INSR: variants seen among roughly 807,000 people sequenced by gnomAD.
INSR encodes the protein IR.
A neutral mutation model predicts 142.6 loss-of-function variants in INSR; 67 were observed. The ratio of observed to expected loss-of-function variants is 0.47; its 90% CI spans 0.39 to 0.58. The LOEUF (loss-of-function observed/expected upper bound fraction) is 0.58. INSR is among the 20% of genes least tolerant of loss of function. INSR has a pLI of 0.00. For missense variants in INSR, 1,248 were observed against 1,833.2 expected (o/e 0.68, Z 5.83); for synonymous variants, 756 against 743.1 (o/e 1.02, Z -0.28).
chr19:7,158,483 A>T (rs1035715421), intron 9 of INSR, among the ~76,000 whole-genome samples: 1 of 152,206 alleles, frequency 6.6e-6, no homozygotes, highest in African/African-American at 2.4e-5. Context: ...CCTGGGTGAC[A>T]GAGCGAGACT....
intron 2 of INSR, among the ~76,000 whole-genome samples, chr19:7,210,281 G>T (rs1156595801): frequency 6.6e-6 from 1 of 150,648 alleles, no homozygotes; most frequent in African/African-American, 2.4e-5. Context: ...GGAGGTGGAG[G>T]TTGCAGTGAG....
At chr19:7,213,353 A>C (rs1008783323) in intron 2 of INSR, among the ~76,000 whole-genome samples, 2 of 148,622 alleles carry the variant, frequency 1.3e-5, no homozygotes, top group African/African-American at 2.5e-5. Context: ...AAAAAAAAAA[A>C]AAAAAACAAA....
intron 2 of INSR, among the ~76,000 whole-genome samples, chr19:7,250,658 A>T (rs1044640448): frequency 1.3e-5 from 2 of 151,750 alleles, no homozygotes; most frequent in African/African-American, 4.8e-5. Context: ...AACCGTGTTT[A>T]AAAAACGGTG....
chr19:7,260,900 CAG>C (rs1025467623), intron 2 of INSR, among the ~76,000 whole-genome samples: 12 of 145,480 alleles, frequency 8.2e-5, no homozygotes, highest in African/African-American at 2.6e-4. Flanking sequence ...TTTTTAAAGA[CAG>C]AGTCTCACCG....
At position 7,141,588 on chromosome 19, in the gene INSR, A is replaced by C; in HGVS notation, c.2682+89T>G. The C allele has an allele frequency of 1.3e-6, 2 of 1,575,164 alleles. 1 individual carries two copies. The highest frequency in any genetic ancestry group is 3.3e-4 in the Middle Eastern group (2 of 6,000). On this transcript the variant is annotated intron_variant, in intron 13 of 21. Coordinates refer to ENST00000302850, the MANE Select transcript of INSR (RefSeq NM_000208.4). Reference sequence around the variant, plus strand: ...CTGATGAGAGAAGCACTGGAATCAAAATTTCAGCAGAGGAAGGAGGTACCA... The same window carrying C: ...CTGATGAGAGAAGCACTGGAATCAACATTTCAGCAGAGGAAGGAGGTACCA...
intron 1 of INSR, among the ~76,000 whole-genome samples, chr19:7,279,620 G>A (rs1262086899): frequency 2.0e-5 from 3 of 151,596 alleles, no homozygotes; most frequent in South Asian, 2.1e-4. Context: ...GAACAGGTAC[G>A]GATGCTGGTG....
chr19:7,146,491 C>A (rs771856258), intron 11 of INSR, among the ~76,000 whole-genome samples: 2 of 152,046 alleles, frequency 1.3e-5, no homozygotes, highest in Non-Finnish European at 2.9e-5. Context: ...CCGCCCCCCA[C>A]CTCAGCCTCC....
At chr19:7,249,824 C>T (rs182037408) in intron 2 of INSR, among the ~76,000 whole-genome samples, 2 of 152,068 alleles carry the variant, frequency 1.3e-5, no homozygotes, top group African/African-American at 2.4e-5. Context: ...AACCCCGTCT[C>T]TACTAAAAAT....
chr19:7,285,569 G>C (rs1216394099), intron 1 of INSR, among the ~76,000 whole-genome samples: 1 of 152,162 alleles, frequency 6.6e-6, no homozygotes, highest in Admixed American at 6.6e-5. Flanking sequence ...TCAAGAGTTG[G>C]AGGCTGCAGG....
At chr19:7,212,466 G>A (rs1975304784) in intron 2 of INSR, among the ~76,000 whole-genome samples, 1 of 152,216 alleles carries the variant, frequency 6.6e-6, no homozygotes, top group Admixed American at 6.5e-5. Context: ...GATTTGCTGA[G>A]GGTCTGCCAT....
chr19:7,219,058 C>T (rs956501759), intron 2 of INSR, among the ~76,000 whole-genome samples: 5 of 152,200 alleles, frequency 3.3e-5, no homozygotes, highest in African/African-American at 1.2e-4. Context: ...CTCTTCTGTG[C>T]AGCAGTCACT....
In INSR at chr19:7,128,623, C is replaced by CA. The variant is rs58240555; in HGVS notation, c.2945+228dup. On this transcript the variant is annotated intron_variant, in intron 15 of 21. Coordinates refer to ENST00000302850, the MANE Select transcript of INSR (RefSeq NM_000208.4). ...TTAGCTTCGGATATAAAGGTTTGGG[C>CA]AAAAAAAAAAATCAATAAAAACATT... Among the ~76,000 whole-genome samples, 3,053 of 139,780 alleles carry CA rather than the reference C, an allele frequency of 0.022. 93 individuals are homozygous for CA. Among genetic ancestry groups the CA allele is most frequent in the East Asian group, 0.07 (339 of 4,870 alleles). The allele number at this position is 139,780 out of a possible 152,430, so 91.7% of individuals were successfully genotyped here.
Position 7,141,733 on chromosome 19 carries a change from C to A in INSR, c.2626G>T (p.Glu876Ter). ...VVHLMWQEPK[E>*]PNGLIVLYEV... ...TACAGCACGATCAGACCATTGGGCT[C>A]CTTCGGCTCCTGCCACATCAAGTGG... The change falls in exon 13 of 22, where the codon GAG (glutamate) becomes TAG (stop). Residue 876 changes from glutamate (E) to a stop codon, truncating the protein, a stop_gained. Transcript: ENST00000302850. LOFTEE classifies it high-confidence loss of function. 1 of 1,614,182 alleles carries A rather than the reference C, an allele frequency of 6.2e-7. No homozygotes were observed. The highest frequency in any genetic ancestry group is 8.5e-7 in the Non-Finnish European group (1 of 1,180,016).
chr19:7,257,233 C>T (rs1025929595), intron 2 of INSR, among the ~76,000 whole-genome samples: 6 of 152,068 alleles, frequency 3.9e-5, no homozygotes, highest in African/African-American at 1.4e-4. Flanking sequence ...CCTGAGCCAC[C>T]GTGCCCGGCC....
intron 2 of INSR, among the ~76,000 whole-genome samples, chr19:7,241,824 A>G (rs1273820727): frequency 1.3e-5 from 2 of 150,248 alleles, no homozygotes; most frequent in Non-Finnish European, 3.0e-5. Flanking sequence ...GAATGCTAAC[A>G]CTGTTGAGGC....
chr19:7,272,782 A>G (rs1191361178), intron 1 of INSR, among the ~76,000 whole-genome samples: 2 of 152,164 alleles, frequency 1.3e-5, no homozygotes, highest in Admixed American at 6.5e-5. Context: ...TGGTCTCTCT[A>G]TGTTGCCCAG....
In INSR at chr19:7,293,904, G is replaced by C; in HGVS notation, c.-13C>G. 1 of 1,210,946 alleles carries C rather than the reference G, an allele frequency of 8.3e-7. No individual in the cohort carries two copies. The highest frequency in any genetic ancestry group is 1.0e-6 in the Non-Finnish European group (1 of 979,540). 75.0% of individuals were successfully genotyped at this position (1,210,946 alleles called of 1,614,324 possible). ...CCCCGGTGGCCATGGCTGCGGGAGC[G>C]CGGGGTCTCCTCGGATCAGAGCGCG... On this transcript the variant is annotated 5_prime_UTR_variant, in exon 1 of 22. Coordinates refer to ENST00000302850, the MANE Select transcript of INSR (RefSeq NM_000208.4).
At chr19:7,199,884 C>G (rs1033271355) in intron 2 of INSR, among the ~76,000 whole-genome samples, 5 of 152,072 alleles carry the variant, frequency 3.3e-5, no homozygotes, top group Admixed American at 6.6e-5. Flanking sequence ...TACAGCATCC[C>G]AGAGCCATAC....
intron 2 of INSR, among the ~76,000 whole-genome samples, chr19:7,263,241 T>TAGGTGGCAGAGCAA: frequency 6.6e-6 from 1 of 151,060 alleles, no homozygotes; most frequent in Admixed American, 6.6e-5. Context: ...ATCACACCAC[T>TAGGTGGCAGAGCAA]GCCCCCCAGC....
Sources: gnomAD v4.1 joint callset for allele counts (sites outside exome capture counted in the v4.1 genomes callset) on GRCh38, gnomAD v4.1.1 for gene constraint, MANE v1.5 for transcripts, NCBI Gene and HGNC (gene_info 2026-07-23, HGNC 2026-07-21) for gene names.